Variants in COL4A2 observed in about 807,000 individuals in gnomAD.
COL4A2 encodes the protein collagen type IV alpha 2 chain, also known as collagen alpha-2(IV) chain.
In COL4A2, 99 loss-of-function variants were observed where a neutral mutation model predicts 200.2. The ratio of observed to expected loss-of-function variants is 0.49; its 90% CI spans 0.42 to 0.58. COL4A2 has a LOEUF of 0.58. Among genes scored for constraint, COL4A2 ranks in the 20% least tolerant of loss-of-function variants. The pLI is 0.00. For missense variants in COL4A2, 1,950 were observed against 2,314.1 expected, an observed-to-expected ratio of 0.84 and a Z score of 3.23; for synonymous variants, 897 against 900.6, an observed-to-expected ratio of 1.00 and a Z score of 0.07.
In COL4A2 at chr13:110,506,491, G is replaced by A; in HGVS notation, c.4479G>A (p.Val1493=). The A allele has an allele frequency of 1.2e-6, 2 of 1,612,720 alleles. No individual in the cohort carries two copies. The highest frequency in any genetic ancestry group is 1.7e-6 in the Non-Finnish European group (2 of 1,179,766). The change falls in exon 46 of 48, where the codon GTG becomes GTA. Residue 1493 remains valine (V), a synonymous_variant. Transcript: ENST00000360467. ...GCGTCAGCATCGGCTACCTCCTGGT[G>A]AAGCACAGCCAGACGGACCAGGAGC... ...GRSVSIGYLL[V]KHSQTDQEPM...
intron 4 of COL4A2, among the ~76,000 whole-genome samples, chr13:110,360,031 A>G (rs1219938837): frequency 1.3e-5 from 2 of 152,254 alleles, no homozygotes; most frequent in Non-Finnish European, 2.9e-5. Flanking sequence ...TATGGAAGCC[A>G]TTTCACAAGA....
intron 40 of COL4A2, among the ~76,000 whole-genome samples, chr13:110,495,757 T>C (rs534948076): frequency 1.3e-5 from 2 of 152,338 alleles, no homozygotes; most frequent in East Asian, 3.9e-4. Flanking sequence ...CCTGGGGCAC[T>C]GGCACAGGCC....
At chr13:110,387,269 G>C (rs1187415765) in intron 4 of COL4A2, among the ~76,000 whole-genome samples, 1 of 152,080 alleles carries the variant, frequency 6.6e-6, no homozygotes, top group African/African-American at 2.4e-5. Context: ...AAAAAGGAGC[G>C]ACTGATACCC....
At chr13:110,360,929 G>A (rs1877487773) in intron 4 of COL4A2, among the ~76,000 whole-genome samples, 3 of 152,220 alleles carry the variant, frequency 2.0e-5, no homozygotes, top group South Asian at 4.1e-4. Context: ...GGCCCGTGCT[G>A]CCAAGGGACC....
intron 38 of COL4A2, 54 bp from the exon 39 acceptor site, chr13:110,493,157 G>A (rs1281817938): frequency 6.2e-6 from 10 of 1,608,038 alleles, no homozygotes; most frequent in South Asian, 2.2e-5. Context: ...AATAAATAAC[G>A]ATGAGTGACA....
At position 110,512,124 on chromosome 13, in the gene COL4A2, A is replaced by T; in HGVS notation, c.5072A>T (p.Asp1691Val). 2 of 1,613,526 alleles carry T rather than the reference A, an allele frequency of 1.2e-6. No homozygotes were observed. Among genetic ancestry groups the T allele is most frequent in the Non-Finnish European group, 1.7e-6 (2 of 1,180,046 alleles). ...AGCTTCCAGGGCTCGCCCTCCGCCG[A>T]CACGCTCAAGGCCGGCCTCATCCGC... ...EQSFQGSPSA[D>V]TLKAGLIRTH... The change falls in exon 48 of 48, where the codon GAC becomes GTC. Residue 1691 changes from aspartate (D) to valine (V), a missense_variant. By Grantham distance (152) the Asp-to-Val change is radical. Transcript: ENST00000360467.
chr13:110,332,006 A>AT (rs931216821), intron 3 of COL4A2, among the ~76,000 whole-genome samples: 1 of 152,094 alleles, frequency 6.6e-6, no homozygotes, highest in African/African-American at 2.4e-5. Flanking sequence ...CAATTTATCA[A>AT]TTTTTTATGG....
rs1054684449 is a variant in COL4A2, at chr13:110,315,175, C to T, written c.99+7052C>T. On this transcript the variant is annotated intron_variant, in intron 3 of 47. Coordinates refer to ENST00000360467, the MANE Select transcript of COL4A2 (RefSeq NM_001846.4). The stretch of plus-strand genomic sequence containing the variant: ...TTAGCCCCGGGGGGATAAGGATGGC[C>T]TGTCCCTTTCTATCAGGTGACCCGC... Among the ~76,000 whole-genome samples the T allele has an allele frequency of 6.6e-5, 10 of 152,040 alleles. No homozygotes were observed. The South Asian group carries it at 1.9e-3, about 29-fold the overall frequency.
chr13:110,484,885 A>G lies in COL4A2; in HGVS notation c.2903-20A>G. On this transcript the variant is annotated intron_variant, in intron 32 of 47. Transcript: ENST00000360467. ...TGGTCTGGAGCCCCCAGAAAATGAC[A>G]GCACTCTATTCCCTTCCAGGCAGCC... 1 of 1,586,928 alleles carries G rather than the reference A, an allele frequency of 6.3e-7. No homozygotes were observed. Among genetic ancestry groups the G allele is most frequent in the Non-Finnish European group, 8.6e-7 (1 of 1,163,928 alleles).
intron 4 of COL4A2, among the ~76,000 whole-genome samples, chr13:110,404,338 A>G (rs755753955): frequency 1.3e-4 from 20 of 152,252 alleles, no homozygotes; most frequent in Non-Finnish European, 2.6e-4. Context: ...ACTTATAAAA[A>G]TCAATATATT....
In COL4A2 at chr13:110,449,337, T is replaced by C. The variant is rs572858850; in HGVS notation, c.1079-342T>C. ...GCAGACAGGGATGAGAAGAGCCTAA[T>C]AGGGTTAAAGCTGGGGCTGAGGGGC... On this transcript the variant is annotated intron_variant, in intron 18 of 47. Transcript: ENST00000360467. Among the ~76,000 whole-genome samples, 21 of 152,232 alleles carry C rather than the reference T, an allele frequency of 1.4e-4. No individual in the cohort carries two copies. In the East Asian group the frequency reaches 3.5e-3, roughly 25 times the overall value.
chr13:110,351,970 A>G (rs558915312), intron 3 of COL4A2, among the ~76,000 whole-genome samples: 8 of 152,340 alleles, frequency 5.3e-5, no homozygotes, highest in Admixed American at 5.2e-4. Context: ...AAGCGGCACT[A>G]GATTGAAATG....
intron 40 of COL4A2, among the ~76,000 whole-genome samples, chr13:110,499,202 C>T (rs1484527679): frequency 1.3e-5 from 2 of 152,216 alleles, no homozygotes; most frequent in African/African-American, 2.4e-5. Flanking sequence ...TGTATTAGTT[C>T]GTTCTCATGC....
chr13:110,428,417 C>T (rs753827553), intron 6 of COL4A2, 50 bp from the exon 7 acceptor site: 3 of 1,096,114 alleles, frequency 2.7e-6, no homozygotes, highest in Non-Finnish European at 4.0e-6. Context: ...AGTTACATGA[C>T]AACTAGAAGC....
rs1039328771 is a variant in COL4A2, at chr13:110,389,914, T to C, written c.180+32362T>C. Among the ~76,000 whole-genome samples, 4 of 152,232 alleles carry C rather than the reference T, an allele frequency of 2.6e-5. No homozygotes were observed. In the South Asian group the frequency reaches 8.3e-4, roughly 32 times the overall value. ...TTTTAAAACTACCCTACTTCTTTTA[T>C]GACTTTTACTCCCTTCTCAAAAATA... is the stretch of plus-strand genomic sequence containing the variant. On this transcript the variant is annotated intron_variant, in intron 4 of 47. Transcript: ENST00000360467.
chr13:110,491,600 T>C (rs1883285363), intron 37 of COL4A2, among the ~76,000 whole-genome samples: 1 of 152,182 alleles, frequency 6.6e-6, no homozygotes. Flanking sequence ...CTGTCTCTCA[T>C]ATAGAAGCCG....
At chr13:110,342,447 A>G (rs1264143371) in intron 3 of COL4A2, among the ~76,000 whole-genome samples, 1 of 152,174 alleles carries the variant, frequency 6.6e-6, no homozygotes, top group African/African-American at 2.4e-5. Context: ...CCAGGTCTGT[A>G]TCGTGAGATG....
Position 110,467,090 on chromosome 13 carries a change from C to T in COL4A2, c.2089C>T (p.Pro697Ser). ...GCCAGGCCTGCCAGGACCCCCAGGC[C>T]CCACAGGTAATGCACGGAGGGAACC... ...GLPGLPGPPG[P>S]TGAKGLRGIP... Residue 697 changes from proline to serine, a missense_variant, in exon 27 of 48, where the codon CCC (proline) becomes TCC (serine). Physicochemically the swap from Pro to Ser is moderately conservative, Grantham distance 74 (BLOSUM62 -1). Around this residue, in one of 2 missense-constraint regions of COL4A2, gnomAD observed 1,385 missense variants for 1,720.5 expected, o/e 0.80. Coordinates refer to ENST00000360467, the MANE Select transcript of COL4A2 (RefSeq NM_001846.4). The T allele has an allele frequency of 6.2e-7, 1 of 1,614,016 alleles. No individual in the cohort carries two copies. Among genetic ancestry groups the T allele is most frequent in the Non-Finnish European group, 8.5e-7 (1 of 1,179,988 alleles).
At chr13:110,406,836 A>T (rs544548841) in intron 4 of COL4A2, among the ~76,000 whole-genome samples, 4 of 152,318 alleles carry the variant, frequency 2.6e-5, no homozygotes, top group African/African-American at 9.6e-5. Flanking sequence ...AGCAGTCCTC[A>T]TTCCTTTGGT....
Sources: gnomAD v4.1 joint callset for allele counts (sites outside exome capture counted in the v4.1 genomes callset) on GRCh38, gnomAD v4.1.1 for gene constraint, gnomAD v4.1.1 regional missense constraint, MANE v1.5 for transcripts, NCBI Gene and HGNC (gene_info 2026-07-23, HGNC 2026-07-21) for gene names.